CSMD1: variants seen among roughly 807,000 people sequenced by gnomAD.
CSMD1 encodes the protein CUB and sushi domain-containing protein 1.
CSMD1 carries 213 observed loss-of-function variants against 417.5 expected under a neutral mutation model. That is an observed-to-expected ratio of 0.51 (90% CI 0.46 to 0.57). The LOEUF is 0.57. Among genes scored for constraint, CSMD1 ranks in the 20% least tolerant of loss-of-function variants. The pLI is 0.00. For synonymous variants in CSMD1, 2,862 were observed against 1,736.8 expected (o/e 1.65, Z -16.11); for missense variants, 6,923 against 4,529.7 (o/e 1.53, Z -15.17).
chr8:3,440,939 G>A (rs186785672), intron 12 of CSMD1, among the ~76,000 whole-genome samples: 190 of 152,292 alleles, frequency 1.2e-3, no homozygotes, highest in Non-Finnish European at 2.1e-3. Context: ...CGTGGTGACT[G>A]TGATTTTATT....
At chr8:4,594,926 G>C (rs767396613) in intron 2 of CSMD1, among the ~76,000 whole-genome samples, 4 of 152,138 alleles carry the variant, frequency 2.6e-5, no homozygotes, top group Non-Finnish European at 4.4e-5. Flanking sequence ...TAAATATTGA[G>C]ACTACATATT....
chr8:4,732,312 C>T (rs1407082425), intron 1 of CSMD1, among the ~76,000 whole-genome samples: 1 of 150,598 alleles, frequency 6.6e-6, no homozygotes. Context: ...AATTAAGACA[C>T]CTGAAGAGTT....
intron 3 of CSMD1, among the ~76,000 whole-genome samples, chr8:4,111,155 C>T (rs1425182730): frequency 6.6e-6 from 1 of 152,066 alleles, no homozygotes; most frequent in African/African-American, 2.4e-5. Flanking sequence ...CTAATGATTT[C>T]GGACAGAAAA....
At chr8:3,865,074 G>C (rs748482725) in intron 5 of CSMD1, among the ~76,000 whole-genome samples, 2 of 152,144 alleles carry the variant, frequency 1.3e-5, no homozygotes, top group Non-Finnish European at 2.9e-5. Flanking sequence ...TATGCCAACA[G>C]TGTTACTTTG....
intron 5 of CSMD1, among the ~76,000 whole-genome samples, chr8:3,820,369 G>C (rs6558823): frequency 0.34 from 51,932 of 151,900 alleles, 9,070 homozygotes; most frequent in African/African-American, 0.36. Context: ...TATGGTGTTT[G>C]AACTGAGTAC....
Position 3,223,611 on chromosome 8 carries a change from A to G in CSMD1, c.4484+118T>C, listed in dbSNP as rs902441607. On this transcript the variant is annotated intron_variant, in intron 28 of 69. Coordinates refer to ENST00000635120, the MANE Select transcript of CSMD1 (RefSeq NM_033225.6). The stretch of plus-strand genomic sequence containing the variant: ...CAGCCTGGTGTAGTCTCCATTAGAC[A>G]CAAAATCTAGCACTTACCTAGATAT... 9.4e-6 allele frequency: 10 copies of G among 1,064,518 alleles called. No individual in the cohort carries two copies. The Admixed American group carries it at 1.8e-4, about 19-fold the overall frequency. 65.9% of individuals were successfully genotyped at this position (1,064,518 alleles called of 1,614,324 possible). A position where few individuals can be genotyped will look rare whatever the true frequency, so the allele number is the denominator to read the frequency against.
intron 8 of CSMD1, among the ~76,000 whole-genome samples, chr8:3,611,071 G>A (rs111731140): frequency 1.8e-4 from 21 of 117,444 alleles, no homozygotes; most frequent in African/African-American, 6.6e-4. Flanking sequence ...ATCACACTCT[G>A]CGAACTGTTG....
At chr8:4,080,984 G>C (rs559226007) in intron 3 of CSMD1, among the ~76,000 whole-genome samples, 1 of 152,016 alleles carries the variant, frequency 6.6e-6, no homozygotes, top group African/African-American at 2.4e-5. Flanking sequence ...TATACAAGAG[G>C]CTTCACACAG....
rs1266274253 is a variant in CSMD1 at position 3,276,348 on chromosome 8, C to A, written c.4153+7796G>T. Among the ~76,000 whole-genome samples the A allele has an allele frequency of 3.3e-5, 5 of 152,300 alleles. No homozygotes were observed. In the East Asian group the frequency reaches 5.8e-4, roughly 18 times the overall value. ...AAAGCTCAGATGGAAATGCAGAAAT[C>A]ACCCATCTTCTGTGTCGTTCACGCT... On this transcript the variant is annotated intron_variant, in intron 26 of 69. Transcript: ENST00000635120.
chr8:3,643,410 T>C (rs1797405306), intron 7 of CSMD1, among the ~76,000 whole-genome samples: 1 of 152,088 alleles, frequency 6.6e-6, no homozygotes, highest in Non-Finnish European at 1.5e-5. Flanking sequence ...TTATCAGAAA[T>C]GCCTCCTCTG....
chr8:4,366,163 G>C lies in CSMD1; in HGVS notation c.415+53790C>G, dbSNP rs76332386. Among the ~76,000 whole-genome samples, 773 of 152,158 alleles carry C rather than the reference G, an allele frequency of 5.1e-3. 7 individuals are homozygous for C. Among genetic ancestry groups the C allele is most frequent in the African/African-American group, 0.018 (739 of 41,508 alleles). ...TTCAGTGTTTCACTCCCGTTTATGA[G>C]AACATGCAGCATTTGGTTTTCTGTC... is the stretch of plus-strand genomic sequence containing the variant. On this transcript the variant is annotated intron_variant, in intron 3 of 69. Coordinates refer to ENST00000635120, the MANE Select transcript of CSMD1 (RefSeq NM_033225.6).
intron 2 of CSMD1, among the ~76,000 whole-genome samples, chr8:4,461,306 C>A (rs994518879): frequency 6.6e-6 from 1 of 152,018 alleles, no homozygotes; most frequent in East Asian, 1.9e-4. Flanking sequence ...CATTTTCTGC[C>A]TAAAATCAGC....
intron 4 of CSMD1, among the ~76,000 whole-genome samples, chr8:4,028,402 G>C (rs180717373): frequency 2.0e-5 from 3 of 152,176 alleles, no homozygotes; most frequent in Admixed American, 2.0e-4. Flanking sequence ...ATACATACTA[G>C]CTTGTGGGGT....
chr8:4,099,717 T>C (rs1041849527), intron 3 of CSMD1, among the ~76,000 whole-genome samples: 2 of 152,186 alleles, frequency 1.3e-5, no homozygotes, highest in African/African-American at 4.8e-5. Context: ...TTTGGGACTT[T>C]ACTTGCTTTC....
intron 3 of CSMD1, among the ~76,000 whole-genome samples, chr8:4,157,282 G>A (rs1469183247): frequency 4.6e-5 from 7 of 152,190 alleles, no homozygotes; most frequent in African/African-American, 1.7e-4. Context: ...CTAGTTTAGT[G>A]ATGCAATTGC....
intron 10 of CSMD1, among the ~76,000 whole-genome samples, chr8:3,569,071 A>T (rs952855301): frequency 2.0e-5 from 3 of 152,186 alleles, no homozygotes; most frequent in Non-Finnish European, 4.4e-5. Context: ...ATATCATATA[A>T]TATTACTTTG....
chr8:4,845,836 C>T (rs915494681), intron 1 of CSMD1, among the ~76,000 whole-genome samples: 8 of 152,172 alleles, frequency 5.3e-5, no homozygotes, highest in African/African-American at 9.7e-5. Flanking sequence ...AATTTACATA[C>T]GATTTGTAGC....
At chr8:3,294,417 A>G (rs1803809077) in intron 25 of CSMD1, among the ~76,000 whole-genome samples, 1 of 152,186 alleles carries the variant, frequency 6.6e-6, no homozygotes, top group South Asian at 2.1e-4. Flanking sequence ...CCCTGCCTGC[A>G]GAGGTGGAGT....
intron 1 of CSMD1, among the ~76,000 whole-genome samples, chr8:4,733,691 C>T (rs567621167): frequency 3.3e-4 from 50 of 152,278 alleles, no homozygotes; most frequent in Non-Finnish European, 6.3e-4. Context: ...ACCTATTTTT[C>T]CTTTCTCCTA....
Sources: gnomAD v4.1 joint callset for allele counts (sites outside exome capture counted in the v4.1 genomes callset) on GRCh38, gnomAD v4.1.1 for gene constraint, MANE v1.5 for transcripts, NCBI Gene and HGNC (gene_info 2026-07-23, HGNC 2026-07-21) for gene names.